CHRM4: variants seen among roughly 807,000 people sequenced by gnomAD.
The protein encoded by CHRM4 is cholinergic receptor muscarinic 4.
In CHRM4, 5 loss-of-function variants were observed where a neutral mutation model predicts 26.3. That is an observed-to-expected ratio of 0.19 (90% CI 0.10 to 0.40). The LOEUF (loss-of-function observed/expected upper bound fraction) is 0.40, where lower values mean the gene tolerates loss of function less well. CHRM4 is among the 10% of genes least tolerant of loss of function. The pLI, the probability that CHRM4 is intolerant of heterozygous loss-of-function variation, is 1.00. For missense variants in CHRM4, 402 were observed against 664.5 expected, an observed-to-expected ratio of 0.60 and a Z score of 4.34; for synonymous variants, 290 against 285.3, an observed-to-expected ratio of 1.02 and a Z score of -0.16.
In CHRM4 at chr11:46,386,961, G is replaced by A. The variant is rs1238175584; in HGVS notation, c.-29-375C>T. 6.6e-6 allele frequency among the ~76,000 whole-genome samples: 1 copy of A among 152,252 alleles called. No individual in the cohort carries two copies. Among genetic ancestry groups the A allele is most frequent in the Non-Finnish European group, 1.5e-5 (1 of 68,042 alleles). ...CCCACCAGGTCATCTGGGTGATGAG[G>A]AGCCAGCCACAGGAGGAGCTGTGGA... On this transcript the variant is annotated intron_variant, in intron 1 of 1. Transcript: ENST00000682254. This position sits in a 1 kb window ranked among gnomAD's most constrained non-coding sequence, Gnocchi z 5.8.
At chr11:46,389,953 G>T (rs1440191585) in intron 1 of CHRM4, among the ~76,000 whole-genome samples, 1 of 152,252 alleles carries the variant, frequency 6.6e-6, no homozygotes, top group South Asian at 2.1e-4. Flanking sequence ...GTGAGAGCGC[G>T]TGAGCATGCC....
Position 46,391,753 on chromosome 11 carries a change from G to C in CHRM4, c.-252C>G, listed in dbSNP as rs941803903. On this transcript the variant is annotated 5_prime_UTR_variant, in exon 1 of 2. Coordinates refer to ENST00000682254, the MANE Select transcript of CHRM4 (RefSeq NM_000741.5). The surrounding 1 kb of genome is among the most constrained non-coding windows in gnomAD (Gnocchi z 6.3). ...GGTGTCGAGGGGCGGCCCCTGCTCC[G>C]CCCGCAGCTCCCGGCGCTGTGGCTC... is the stretch of plus-strand genomic sequence containing the variant. 6.7e-6 allele frequency among the ~76,000 whole-genome samples: 1 copy of C among 150,178 alleles called. No homozygotes were observed.
Position 46,385,210 on chromosome 11 carries a change from G to T in CHRM4, c.1348C>A (p.Pro450Thr). The T allele has an allele frequency of 6.2e-7, 1 of 1,614,092 alleles. No individual in the cohort carries two copies. Among genetic ancestry groups the T allele is most frequent in the Non-Finnish European group, 8.5e-7 (1 of 1,179,988 alleles). The part of the protein sequence containing the change: ...WLCYVNSTIN[P>T]ACYALCNATF... ...GCGTTGCACAGAGCATAGCAGGCAGGGTTGATGGTGCTGTTGACGTAGCAG... is the reference window on the plus strand; with the variant it reads ...GCGTTGCACAGAGCATAGCAGGCAGTGTTGATGGTGCTGTTGACGTAGCAG... Residue 450 changes from proline to threonine, a missense_variant, in exon 2 of 2, where the codon CCT becomes ACT. Physicochemically the swap from Pro to Thr is conservative, Grantham distance 38. This residue lies in a region of CHRM4 where 55 missense variants were observed against 126.4 expected (regional missense o/e 0.44). Transcript: ENST00000682254. This position sits in a 1 kb window ranked among gnomAD's most constrained non-coding sequence, Gnocchi z 6.3.
chr11:46,385,992 A>G lies in CHRM4; in HGVS notation c.566T>C (p.Phe189Ser). 6.2e-7 allele frequency: 1 copy of G among 1,613,128 alleles called. No individual in the cohort carries two copies. The highest frequency in any genetic ancestry group is 8.5e-7 in the Non-Finnish European group (1 of 1,179,782). ...AAAGGTCACTGCTGGGTTGGACAGG[A>G]ACTGGATGAAGCACTGGTTGTCGGG... Reference protein sequence around the residue: ...TVPDNQCFIQFLSNPAVTFGT... With the variant: ...TVPDNQCFIQSLSNPAVTFGT... The change falls in exon 2 of 2, where the codon TTC (phenylalanine) becomes TCC (serine). Residue 189 changes from phenylalanine (F) to serine (S), a missense_variant. Transcript: ENST00000682254. This position sits in a 1 kb window ranked among gnomAD's most constrained non-coding sequence, Gnocchi z 6.3.
At chr11:46,388,290 T>TCTGG (rs1208990743) in intron 1 of CHRM4, among the ~76,000 whole-genome samples, 1 of 152,270 alleles carries the variant, frequency 6.6e-6, no homozygotes, top group Non-Finnish European at 1.5e-5. Flanking sequence ...CAGCCTGGGC[T>TCTGG]CTGGCTCTGT....
At chr11:46,388,934 G>A (rs970958502) in intron 1 of CHRM4, among the ~76,000 whole-genome samples, 4 of 152,240 alleles carry the variant, frequency 2.6e-5, no homozygotes, top group Non-Finnish European at 4.4e-5. Context: ...TGTTAACTGC[G>A]TGTCAGGAAC....
rs750157272 is a variant in CHRM4 at position 46,386,253 on chromosome 11, G to C, written c.305C>G (p.Ala102Gly). Residue 102 changes from alanine (A) to glycine (G), a missense_variant, in exon 2 of 2, where the codon GCC becomes GGC. By Grantham distance (60) the Ala-to-Gly change is moderately conservative. Transcript: ENST00000682254. The surrounding 1 kb of genome is among the most constrained non-coding windows in gnomAD (Gnocchi z 5.8). ...GGCCAGCCACAGGTCGCAGACCACG[G>C]CGCCCAGGGGCCAGTAGCCCTTGAT... is the stretch of plus-strand genomic sequence containing the variant. ...YIIKGYWPLG[A>G]VVCDLWLALD... 6.2e-7 allele frequency: 1 copy of C among 1,613,906 alleles called. No homozygotes were observed. The highest frequency in any genetic ancestry group is 1.1e-5 in the South Asian group (1 of 91,080).
intron 1 of CHRM4, among the ~76,000 whole-genome samples, chr11:46,387,224 G>A (rs1342863466): frequency 1.3e-5 from 2 of 152,180 alleles, no homozygotes; most frequent in Admixed American, 6.5e-5. Context: ...GGCAATAATC[G>A]GGGTATGTAT....
chr11:46,385,193 C>G lies in CHRM4; in HGVS notation c.1365G>C (p.Leu455=). ...AGGTCTTTTTAAAGGTGGCGTTGCA[C>G]AGAGCATAGCAGGCAGGGTTGATGG... ...NSTINPACYA[L]CNATFKKTFR... Residue 455 remains leucine, a synonymous_variant, in exon 2 of 2, where the codon CTG becomes CTC. Coordinates refer to ENST00000682254, the MANE Select transcript of CHRM4 (RefSeq NM_000741.5). This position sits in a 1 kb window ranked among gnomAD's most constrained non-coding sequence, Gnocchi z 6.3. 1 of 1,614,054 alleles carries G rather than the reference C, an allele frequency of 6.2e-7. No homozygotes were observed. The highest frequency in any genetic ancestry group is 1.1e-5 in the South Asian group (1 of 91,088).
intron 1 of CHRM4, among the ~76,000 whole-genome samples, chr11:46,389,687 G>C (rs1247562643): frequency 1.3e-5 from 2 of 152,206 alleles, no homozygotes; most frequent in Admixed American, 6.5e-5. Flanking sequence ...ACAGCCTCCC[G>C]GGGAAGTGAC....
rs1301582465 is a variant in CHRM4, at chr11:46,391,560, C to A, written c.-59G>T. 1.3e-5 allele frequency among the ~76,000 whole-genome samples: 2 copies of A among 152,036 alleles called. No homozygotes were observed. The highest frequency in any genetic ancestry group is 2.9e-5 in the Non-Finnish European group (2 of 67,966). On this transcript the variant is annotated 5_prime_UTR_variant, in exon 1 of 2. Transcript: ENST00000682254. The surrounding 1 kb of genome is among the most constrained non-coding windows in gnomAD (Gnocchi z 6.3). ...GGGGAGCCTCAGAGCGTCCCGGGGA[C>A]CTGCTTCCTGCTCTTCCCGGCGAGC...
chr11:46,385,448 C>T lies in CHRM4; in HGVS notation c.1110G>A (p.Ala370=), dbSNP rs774089381. The change falls in exon 2 of 2, where the codon GCG becomes GCA. Residue 370 remains alanine (A), a synonymous_variant. Transcript: ENST00000682254. The surrounding 1 kb of genome is among the most constrained non-coding windows in gnomAD (Gnocchi z 6.3). ...VPATPAGMRP[A]ANVARKFASI... is the part of the protein sequence containing the mutation. ...TGGCGAACTTGCGGGCCACGTTGGC[C>T]GCAGGGCGCATGCCAGCCGGCGTGG... 2.2e-5 allele frequency: 35 copies of T among 1,606,342 alleles called. No homozygotes were observed. Among genetic ancestry groups the T allele is most frequent in the African/African-American group, 6.7e-5 (5 of 74,802 alleles).
In CHRM4 at chr11:46,386,908, A is replaced by C. The variant is rs1416700092; in HGVS notation, c.-29-322T>G. The stretch of plus-strand genomic sequence containing the variant: ...GAGAGAGTGAGTCAGAAGGCAGGAC[A>C]GGCATGACTCCTTGCTAGGTGGCCT... On this transcript the variant is annotated intron_variant, in intron 1 of 1. Transcript: ENST00000682254. The surrounding 1 kb of genome is among the most constrained non-coding windows in gnomAD (Gnocchi z 5.8). Among the ~76,000 whole-genome samples the C allele has an allele frequency of 6.6e-6, 1 of 152,234 alleles. No homozygotes were observed. The highest frequency in any genetic ancestry group is 1.5e-5 in the Non-Finnish European group (1 of 68,044).
chr11:46,390,511 C>T (rs1945381869), intron 1 of CHRM4, among the ~76,000 whole-genome samples: 1 of 152,402 alleles, frequency 6.6e-6, no homozygotes, highest in African/African-American at 2.4e-5. Context: ...GAGGCCCGGA[C>T]AGAGCTCGGG....
At position 46,386,471 on chromosome 11, in the gene CHRM4, C is replaced by T. The variant is rs199584086; in HGVS notation, c.87G>A (p.Thr29=). 31 of 1,613,572 alleles carry T rather than the reference C, an allele frequency of 1.9e-5. No individual in the cohort carries two copies. Among genetic ancestry groups the T allele is most frequent in the East Asian group, 6.7e-5 (3 of 44,892 alleles). ...CTGTGGCAATGAAGACCATTTCCAC[C>T]GTCTCATAGCGATTGTGGGATGATG... The part of the protein sequence containing the change: ...VTSSSHNRYE[T]VEMVFIATVT... Residue 29 remains threonine, a synonymous_variant, in exon 2 of 2, where the codon ACG becomes ACA. Transcript: ENST00000682254. This position sits in a 1 kb window ranked among gnomAD's most constrained non-coding sequence, Gnocchi z 5.8.
chr11:46,385,780 C>T lies in CHRM4; in HGVS notation c.778G>A (p.Gly260Arg), dbSNP rs200794425. ...MKQSVKKPPP[G>R]EAAREELRNG... is the part of the protein sequence containing the mutation. ...CGCAGCTCCTCCCGGGCGGCCTCCC[C>T]GGGCGGGGGCTTCTTGACGCTCTGC... Residue 260 changes from glycine to arginine, a missense_variant, in exon 2 of 2, where the codon GGG (glycine) becomes AGG (arginine). Gly to Arg is a moderately radical substitution (Grantham distance 125). This residue lies in a region of CHRM4 where 205 missense variants were observed against 244.0 expected (regional missense o/e 0.84). Transcript: ENST00000682254. The surrounding 1 kb of genome is among the most constrained non-coding windows in gnomAD (Gnocchi z 6.3). The T allele has an allele frequency of 3.3e-5, 53 of 1,593,874 alleles. No homozygotes were observed. The highest frequency in any genetic ancestry group is 6.8e-5 in the East Asian group (3 of 44,126).
rs375252473 is a variant in CHRM4 at position 46,385,835 on chromosome 11, C to A, written c.723G>T (p.Thr241=). 1.2e-6 allele frequency: 2 copies of A among 1,602,670 alleles called. No homozygotes were observed. The highest frequency in any genetic ancestry group is 1.1e-5 in the South Asian group (1 of 89,826). The change falls in exon 2 of 2, where the codon ACG becomes ACT. Residue 241 remains threonine, a synonymous_variant. Transcript: ENST00000682254. The surrounding 1 kb of genome is among the most constrained non-coding windows in gnomAD (Gnocchi z 6.3). ...TTAGTGGGCTCTTGAGGAAGGCCAG[C>A]GTCTTGGCTTTCTTCTCCTTCGGGC... is the stretch of plus-strand genomic sequence containing the variant. ...PEGPKEKKAK[T]LAFLKSPLMK...
rs1450810519 is a variant in CHRM4, at chr11:46,386,997, G to A, written c.-29-411C>T. Among the ~76,000 whole-genome samples, 1 of 143,362 alleles carries A rather than the reference G, an allele frequency of 7.0e-6. No homozygotes were observed. Among genetic ancestry groups the A allele is most frequent in the Non-Finnish European group, 1.6e-5 (1 of 62,434 alleles). The allele number at this position is 143,362 out of a possible 152,430, so 94.1% of individuals were successfully genotyped here. On this transcript the variant is annotated intron_variant, in intron 1 of 1. Coordinates refer to ENST00000682254, the MANE Select transcript of CHRM4 (RefSeq NM_000741.5). This position sits in a 1 kb window ranked among gnomAD's most constrained non-coding sequence, Gnocchi z 5.8. The stretch of plus-strand genomic sequence containing the variant: ...AGGAGGAGCTGTGGAGAGTGGCCCT[G>A]CCAGGGGCAGTAGCCACAGCAAAGG...
intron 1 of CHRM4, among the ~76,000 whole-genome samples, chr11:46,388,807 A>T (rs1444819851): frequency 2.0e-5 from 3 of 152,234 alleles, no homozygotes; most frequent in Non-Finnish European, 4.4e-5. Context: ...GTAATCAGTC[A>T]GCCAGCCCCA....
Sources: gnomAD v4.1 joint callset for allele counts (sites outside exome capture counted in the v4.1 genomes callset) on GRCh38, gnomAD v4.1.1 for gene constraint, gnomAD v4.1.1 regional missense constraint, Gnocchi (gnomAD v3.1) non-coding constraint, MANE v1.5 for transcripts, NCBI Gene and HGNC (gene_info 2026-07-23, HGNC 2026-07-21) for gene names.